PTRH1: variants seen among roughly 807,000 people sequenced by gnomAD.
The protein encoded by PTRH1 is peptidyl-tRNA hydrolase 1 homolog, also known as peptidyl-tRNA hydrolase.
Under a neutral mutation model 15.7 loss-of-function variants are expected in PTRH1, and 13 were observed. That is an observed-to-expected ratio of 0.83 (90% CI 0.54 to 1.31). The LOEUF is 1.31. PTRH1 is among the 40% of genes most tolerant of loss of function. The pLI is 0.00. For missense variants in PTRH1, 319 were observed against 296.2 expected (o/e 1.08, Z -0.56); for synonymous variants, 139 against 136.7 (o/e 1.02, Z -0.12).
intron 3 of PTRH1, 78 bp downstream of exon 3, chr9:127,714,525 A>G: frequency 6.3e-7 from 1 of 1,591,742 alleles, no homozygotes; most frequent in South Asian, 1.1e-5. Flanking sequence ...TCCTGTGGAG[A>G]CTGGGTCAGC....
intron 2 of PTRH1, 94 bp from the exon 3 acceptor site, chr9:127,714,796 C>T (rs761081236): frequency 2.4e-5 from 28 of 1,175,232 alleles, no homozygotes; most frequent in Non-Finnish European, 3.5e-5. Context: ...ACTAATCCCA[C>T]TTCACATATA....
downstream of PTRH1, chr9:127,711,728 C>T (rs912949878): frequency 5.7e-6 from 8 of 1,408,632 alleles, no homozygotes; most frequent in Admixed American, 4.6e-5. Flanking sequence ...GCTCACTGGC[C>T]GCTCTGCATA....
In PTRH1 at chr9:127,715,072, G is replaced by C; in HGVS notation, c.219C>G (p.Ala73=). Residue 73 remains alanine, a synonymous_variant, in exon 2 of 5, where the codon GCC becomes GCG. Coordinates refer to ENST00000543175, the MANE Select transcript of PTRH1 (RefSeq NM_001002913.3). The surrounding 1 kb of genome is among the most constrained non-coding windows in gnomAD (Gnocchi z 5.8). ...AESWTRDRHC[A]ADLALAPLGD... is the part of the protein sequence containing the mutation. The stretch of plus-strand genomic sequence containing the variant: ...CCAGCGGGGCCAGGGCGAGGTCGGC[G>C]GCACAGTGCCGGTCGCGCGTCCAAC... The C allele has an allele frequency of 2.0e-6, 3 of 1,528,942 alleles. No homozygotes were observed. Among genetic ancestry groups the C allele is most frequent in the Non-Finnish European group, 2.6e-6 (3 of 1,143,872 alleles). The allele number at this position is 1,528,942 out of a possible 1,614,324, so 94.7% of individuals were successfully genotyped here.
At position 127,714,594 on chromosome 9, in the gene PTRH1, G is replaced by A; in HGVS notation, c.416+9C>T. ...CCCTATCCCAACCCTGACCATCTCA[G>A]GACCTCACCTGGCACTGCCCCCCAG... On this transcript the variant is annotated intron_variant, in intron 3 of 4. Transcript: ENST00000543175. 3 of 1,613,012 alleles carry A rather than the reference G, an allele frequency of 1.9e-6. No individual in the cohort carries two copies. Among genetic ancestry groups the A allele is most frequent in the Non-Finnish European group, 2.5e-6 (3 of 1,179,208 alleles).
chr9:127,699,957 G>A (rs1842592209), intron 1 of PTRH1, among the ~76,000 whole-genome samples: 2 of 152,084 alleles, frequency 1.3e-5, no homozygotes, highest in African/African-American at 2.4e-5. Flanking sequence ...GAGGCGGGCA[G>A]ATCACTTGAG....
chr9:127,710,875 C>T (rs779226277), downstream of PTRH1: 12 of 1,105,966 alleles, frequency 1.1e-5, no homozygotes, highest in Non-Finnish European at 1.6e-5. Context: ...ACCGCCGCCC[C>T]GACAACCTGC....
At chr9:127,714,941 G>GGCCCCCCCCCCCCCCCCCCCCCCCC in intron 2 of PTRH1, 34 bp downstream of exon 2, 3 of 446,374 alleles carry the variant, frequency 6.7e-6, no homozygotes, top group African/African-American at 2.1e-5. Context: ...CACCCCCTTG[G>GGCCCCCCCCCCCCCCCCCCCCCCCC]CCCGCCCGCC....
At chr9:127,713,531 G>A (rs555228753), downstream of PTRH1, 136 of 184,488 alleles carry the variant, frequency 7.4e-4, no homozygotes, top group African/African-American at 4.4e-3. Flanking sequence ...TTTTGAGACA[G>A]AGTCTCACTC....
downstream of PTRH1, chr9:127,709,601 T>C: frequency 6.2e-7 from 1 of 1,613,798 alleles, no homozygotes; most frequent in Non-Finnish European, 8.5e-7. This position sits in a 1 kb window ranked among gnomAD's most constrained non-coding sequence, Gnocchi z 4.7. Context: ...GCCAAAGAGA[T>C]GGAGAAGGAT....
downstream of PTRH1, chr9:127,711,962 C>T (rs767258962): frequency 1.9e-6 from 3 of 1,602,730 alleles, no homozygotes; most frequent in Non-Finnish European, 2.6e-6. Flanking sequence ...TGCGTATGGC[C>T]CACGGAGGGG....
chr9:127,696,744 C>A (rs1298523260), intron 1 of PTRH1, among the ~76,000 whole-genome samples: 4 of 152,136 alleles, frequency 2.6e-5, no homozygotes, highest in Non-Finnish European at 5.9e-5. Flanking sequence ...CACCTGTAAT[C>A]CCAGTTACTT....
chr9:127,704,109 G>A (rs1842624181), intron 1 of PTRH1, among the ~76,000 whole-genome samples: 1 of 152,198 alleles, frequency 6.6e-6, no homozygotes, highest in Non-Finnish European at 1.5e-5. Context: ...CAGAGCTGGG[G>A]GGTTAGGGGG....
chr9:127,701,762 A>G (rs1244437119), intron 1 of PTRH1, among the ~76,000 whole-genome samples: 1 of 152,088 alleles, frequency 6.6e-6, no homozygotes, highest in Non-Finnish European at 1.5e-5. Flanking sequence ...TGAAAACACA[A>G]AATTAGTCGG....
In PTRH1 at chr9:127,701,641, G is replaced by A. The variant is rs142673579; in HGVS notation, c.206-6500C>T. ...AAATTGGCATGTTTGGGCCGGGAGCGGTGGCTCACGCCTGTAATCCCAGCA... is the reference window on the plus strand; with the variant it reads ...AAATTGGCATGTTTGGGCCGGGAGCAGTGGCTCACGCCTGTAATCCCAGCA... On this transcript the variant is annotated intron_variant, in intron 1 of 2. Transcript: ENST00000335223. Among the ~76,000 whole-genome samples the A allele has an allele frequency of 4.5e-3, 680 of 152,292 alleles. 8 individuals carry two copies. The highest frequency in any genetic ancestry group is 0.039 in the South Asian group (186 of 4,830).
downstream of PTRH1, chr9:127,711,980 C>T (rs374373429): frequency 5.9e-5 from 94 of 1,587,432 alleles, no homozygotes; most frequent in East Asian, 9.1e-5. Flanking sequence ...GGGCGGGCGG[C>T]GGGTGCAGGC....
chr9:127,715,516 C>A lies in PTRH1; in HGVS notation c.96+28G>T, dbSNP rs765858924. 6.2e-7 allele frequency: 1 copy of A among 1,613,060 alleles called. No homozygotes were observed. The highest frequency in any genetic ancestry group is 2.2e-5 in the East Asian group (1 of 44,874). ...CGAACTGAAGCTAGGGACCGGGAGC[C>A]CCTACGTCGCCGCCCCACGCCACTC... On this transcript the variant is annotated intron_variant, in intron 1 of 4. Coordinates refer to ENST00000543175, the MANE Select transcript of PTRH1 (RefSeq NM_001002913.3). This position sits in a 1 kb window ranked among gnomAD's most constrained non-coding sequence, Gnocchi z 5.8.
chr9:127,713,199 G>A (rs1002295485), downstream of PTRH1: 4 of 1,529,476 alleles, frequency 2.6e-6, no homozygotes, highest in Admixed American at 4.3e-5. Flanking sequence ...GCACACAGCA[G>A]CCCTGAGGTG....
At position 127,714,232 on chromosome 9, in the gene PTRH1, C is replaced by T. The variant is rs10851; in HGVS notation, c.513G>A (p.Ala171=). 1.7e-5 allele frequency: 28 copies of T among 1,613,844 alleles called. No homozygotes were observed. The highest frequency in any genetic ancestry group is 5.5e-5 in the South Asian group (5 of 91,088). ...AGCAGCCCAGCACATGGGCCTGAAC[C>T]GCCTCAGGGTGCGCCGGGCGCCCGA... ...VGIGRPAHPE[A]VQAHVLGCFS... is the part of the protein sequence containing the mutation. Residue 171 remains alanine, a synonymous_variant, in exon 5 of 5, where the codon GCG becomes GCA. Coordinates refer to ENST00000543175, the MANE Select transcript of PTRH1 (RefSeq NM_001002913.3).
chr9:127,704,572 C>T (rs987497224), intron 1 of PTRH1, among the ~76,000 whole-genome samples: 1 of 151,522 alleles, frequency 6.6e-6, no homozygotes, highest in Non-Finnish European at 1.5e-5. Context: ...CCCAAAACCA[C>T]TTTAAGCCTT....
Sources: gnomAD v4.1 joint callset for allele counts (sites outside exome capture counted in the v4.1 genomes callset) on GRCh38, gnomAD v4.1.1 for gene constraint, Gnocchi (gnomAD v3.1) non-coding constraint, MANE v1.5 for transcripts, NCBI Gene and HGNC (gene_info 2026-07-23, HGNC 2026-07-21) for gene names.